Variants in MYO1E observed in about 807,000 individuals in gnomAD.
The protein encoded by MYO1E is myosin IE, also known as unconventional myosin-Ie.
A neutral mutation model predicts 151.1 loss-of-function variants in MYO1E; 68 were observed. The observed-to-expected ratio is 0.45, with a 90% confidence interval of 0.37 to 0.55. The LOEUF (loss-of-function observed/expected upper bound fraction) is 0.55. Among genes scored for constraint, MYO1E ranks in the 20% least tolerant of loss-of-function variants. The probability of loss-of-function intolerance (pLI) is 0.00; values close to 1 mark genes in which losing one functional copy is unlikely to be tolerated. For synonymous variants in MYO1E, 601 were observed against 501.7 expected, an observed-to-expected ratio of 1.20 and a Z score of -2.64; for missense variants, 1,363 against 1,389.3, an observed-to-expected ratio of 0.98 and a Z score of 0.30.
chr15:59,366,817 G>T (rs1186340954), intron 1 of MYO1E, among the ~76,000 whole-genome samples: 2 of 152,048 alleles, frequency 1.3e-5, no homozygotes, highest in African/African-American at 4.8e-5. Context: ...CACTATTACA[G>T]AATGTGCTTA....
chr15:59,138,445 G>A (rs2079387663), intron 26 of MYO1E, 78 bp from the exon 27 acceptor site: 10 of 1,472,576 alleles, frequency 6.8e-6, no homozygotes, highest in Non-Finnish European at 9.4e-6. Context: ...GAGCATGGCG[G>A]CCGGCACTGG....
intron 1 of MYO1E, among the ~76,000 whole-genome samples, chr15:59,340,413 T>A (rs1257787264): frequency 2.0e-5 from 3 of 152,098 alleles, no homozygotes; most frequent in Non-Finnish European, 4.4e-5. Flanking sequence ...CGTGATGTGC[T>A]GTGTTTTTGT....
At chr15:59,258,929 CTTAAT>C (rs1337870272) in intron 3 of MYO1E, among the ~76,000 whole-genome samples, 2 of 150,658 alleles carry the variant, frequency 1.3e-5, no homozygotes, top group East Asian at 1.9e-4. Flanking sequence ...TTAGGCTAAA[CTTAAT>C]TTAACAATTC....
At chr15:59,290,576 C>T (rs745805071) in intron 1 of MYO1E, among the ~76,000 whole-genome samples, 7 of 152,166 alleles carry the variant, frequency 4.6e-5, no homozygotes, top group African/African-American at 9.7e-5. Context: ...TCAGTAACAG[C>T]GGGCTTCTCA....
In MYO1E at chr15:59,134,729, T is replaced by C. The variant is rs2079362518; in HGVS notation, c.*2651A>G. 6.6e-6 allele frequency: 1 copy of C among 152,228 alleles called. No individual in the cohort carries two copies. Among genetic ancestry groups the C allele is most frequent in the Non-Finnish European group, 1.5e-5 (1 of 68,060 alleles). 9.4% of individuals were successfully genotyped at this position (152,228 alleles called of 1,614,324 possible). ...TGTGTGTGCACATGAACACCCCTTA[T>C]TTCAAACAGGATGGCAAGTTCCAGA... On this transcript the variant is annotated 3_prime_UTR_variant, in exon 28 of 28. Coordinates refer to ENST00000288235, the MANE Select transcript of MYO1E (RefSeq NM_004998.4).
chr15:59,206,981 T>G, intron 14 of MYO1E: 6 of 1,614,162 alleles, frequency 3.7e-6, no homozygotes, highest in Non-Finnish European at 5.1e-6. Flanking sequence ...AGCCAGAGAG[T>G]GAGCTCGGTG....
intron 1 of MYO1E, among the ~76,000 whole-genome samples, chr15:59,321,929 T>C (rs1055401399): frequency 1.1e-4 from 16 of 151,908 alleles, no homozygotes; most frequent in African/African-American, 3.9e-4. Flanking sequence ...TCCCAGCACT[T>C]TGGGGAGGCC....
At chr15:59,247,267 C>A (rs1383218644) in intron 4 of MYO1E, among the ~76,000 whole-genome samples, 1 of 152,176 alleles carries the variant, frequency 6.6e-6, no homozygotes, top group Non-Finnish European at 1.5e-5. Flanking sequence ...GAGCTCAAGT[C>A]CAGGGGTAAC....
rs1330158053 is a variant in MYO1E, at chr15:59,227,466, A to T, written c.635T>A (p.Phe212Tyr). ...RNPGERSFHI[F>Y]YQLIEGASAE... ...AAAAGTAAACAGGAAAACCTGGTAA[A>T]ATATGTGAAAACTCCGCTCTCCTGG... Residue 212 changes from phenylalanine (F) to tyrosine (Y), a missense_variant, in exon 7 of 28, where the codon TTT becomes TAT. Phe to Tyr is a conservative substitution (Grantham distance 22). Transcript: ENST00000288235. 6.2e-7 allele frequency: 1 copy of T among 1,614,176 alleles called. No homozygotes were observed. The highest frequency in any genetic ancestry group is 1.1e-5 in the South Asian group (1 of 91,086).
At chr15:59,270,584 A>G (rs1220964891) in intron 2 of MYO1E, among the ~76,000 whole-genome samples, 1 of 151,498 alleles carries the variant, frequency 6.6e-6, no homozygotes, top group Non-Finnish European at 1.5e-5. Flanking sequence ...AAAAAAAATC[A>G]CATTATATCC....
chr15:59,202,488 G>A lies in MYO1E; in HGVS notation c.1617-81C>T, dbSNP rs1406026058. On this transcript the variant is annotated intron_variant, in intron 15 of 27. Transcript: ENST00000288235. Reference sequence around the variant, plus strand: ...AGCCTGCCTTTCTAGAGGATGGGGTGAAGGGCCGTCCCCAGGCACATAACC... The same window carrying A: ...AGCCTGCCTTTCTAGAGGATGGGGTAAAGGGCCGTCCCCAGGCACATAACC... 1.0e-5 allele frequency: 13 copies of A among 1,271,982 alleles called. No individual in the cohort carries two copies. The East Asian group carries it at 1.9e-4, about 18-fold the overall frequency. The allele number at this position is 1,271,982 out of a possible 1,614,324, so 78.8% of individuals were successfully genotyped here.
intron 1 of MYO1E, among the ~76,000 whole-genome samples, chr15:59,364,801 A>G (rs1388148699): frequency 2.6e-5 from 4 of 152,004 alleles, no homozygotes; most frequent in Non-Finnish European, 4.4e-5. Flanking sequence ...GCTACTCAGG[A>G]GGTTGAGGCA....
chr15:59,250,823 T>C (rs573401700), intron 4 of MYO1E, among the ~76,000 whole-genome samples: 17 of 152,254 alleles, frequency 1.1e-4, no homozygotes, highest in African/African-American at 3.9e-4. Context: ...CAGAAATCCT[T>C]GGGAGCAGGT....
chr15:59,277,557 A>ACAAAAAAC (rs879769207), intron 1 of MYO1E, among the ~76,000 whole-genome samples: 3 of 46,602 alleles, frequency 6.4e-5, no homozygotes, highest in South Asian at 1.8e-3. Context: ...ACAAAAAAAA[A>ACAAAAAAC]AAAAAAAAAA....
chr15:59,263,384 T>C (rs1305102726), intron 2 of MYO1E, among the ~76,000 whole-genome samples: 1 of 152,180 alleles, frequency 6.6e-6, no homozygotes, highest in Non-Finnish European at 1.5e-5. Context: ...TAATATCCTC[T>C]AAGGCACATG....
intron 21 of MYO1E, 39 bp from the exon 22 acceptor site, chr15:59,172,081 G>A (rs761770779): frequency 3.1e-6 from 5 of 1,608,148 alleles, no homozygotes; most frequent in Non-Finnish European, 3.4e-6. Context: ...GACAGGCCAG[G>A]CATGGTGGCT....
intron 2 of MYO1E, chr15:59,264,882 A>T (rs12437571): frequency 1.3e-5 from 2 of 152,034 alleles, no homozygotes; most frequent in Non-Finnish European, 2.9e-5. Flanking sequence ...AAATTAGCCA[A>T]GCATGTTGGT....
At chr15:59,193,446 C>G (rs2079746575) in intron 17 of MYO1E, among the ~76,000 whole-genome samples, 1 of 152,088 alleles carries the variant, frequency 6.6e-6, no homozygotes, top group Non-Finnish European at 1.5e-5. Context: ...ATGCTGCTAC[C>G]CTCTTAGTCT....
At chr15:59,258,016 A>T (rs757853551) in intron 3 of MYO1E, among the ~76,000 whole-genome samples, 1 of 152,200 alleles carries the variant, frequency 6.6e-6, no homozygotes, top group Non-Finnish European at 1.5e-5. Flanking sequence ...GCCATATGCC[A>T]TAAGATTTTT....
Sources: gnomAD v4.1 joint callset for allele counts (sites outside exome capture counted in the v4.1 genomes callset) on GRCh38, gnomAD v4.1.1 for gene constraint, MANE v1.5 for transcripts, NCBI Gene and HGNC (gene_info 2026-07-23, HGNC 2026-07-21) for gene names.